Variants in ADGRB3 observed in about 807,000 individuals in gnomAD.
ADGRB3 encodes brain-specific angiogenesis inhibitor 3.
A neutral mutation model predicts 193.4 loss-of-function variants in ADGRB3; 37 were observed. That is an observed-to-expected ratio of 0.19 (90% CI 0.15 to 0.25). The LOEUF (loss-of-function observed/expected upper bound fraction) is 0.25, where lower values mean the gene tolerates loss of function less well. Among genes scored for constraint, ADGRB3 ranks in the 10% least tolerant of loss-of-function variants. ADGRB3 has a pLI of 1.00. For missense variants in ADGRB3, 1,637 were observed against 1,852.9 expected, an observed-to-expected ratio of 0.88 and a Z score of 2.14; for synonymous variants, 690 against 644.2, an observed-to-expected ratio of 1.07 and a Z score of -1.08.
chr6:69,024,209 G>A lies in ADGRB3; in HGVS notation c.2107+5710G>A, dbSNP rs1770357264. ...AATGATTAGAGGTAGTAGGTATAAG[G>A]AGTTCCAGGACAAGACAGTATAAAA... is the stretch of plus-strand genomic sequence containing the variant. On this transcript the variant is annotated intron_variant, in intron 13 of 31. Coordinates refer to ENST00000370598, the MANE Select transcript of ADGRB3 (RefSeq NM_001704.3). 2.0e-5 allele frequency among the ~76,000 whole-genome samples: 3 copies of A among 152,234 alleles called. No individual in the cohort carries two copies. The East Asian group carries it at 5.8e-4, about 29-fold the overall frequency.
At position 69,141,702 on chromosome 6, in the gene ADGRB3, T is replaced by C. The variant is rs115523143; in HGVS notation, c.2480+65664T>C. 2.8e-3 allele frequency among the ~76,000 whole-genome samples: 431 copies of C among 152,192 alleles called. 2 individuals are homozygous for C. Among genetic ancestry groups the C allele is most frequent in the African/African-American group, 9.9e-3 (409 of 41,516 alleles). On this transcript the variant is annotated intron_variant, in intron 17 of 31. Transcript: ENST00000370598. ...TGAAGATCATCATAAAGATCTAAGT[T>C]TCTACTTTGGATGAATAGTCTGGGA... is the stretch of plus-strand genomic sequence containing the variant.
intron 17 of ADGRB3, among the ~76,000 whole-genome samples, chr6:69,086,803 ATTAGT>A (rs1241738743): frequency 1.3e-5 from 2 of 152,160 alleles, no homozygotes; most frequent in Non-Finnish European, 2.9e-5. Flanking sequence ...ATGTGGTATT[ATTAGT>A]TTAATGTGTA....
chr6:68,882,411 T>C (rs965214802), intron 3 of ADGRB3, among the ~76,000 whole-genome samples: 13 of 152,222 alleles, frequency 8.5e-5, no homozygotes, highest in Admixed American at 2.6e-4. Flanking sequence ...CATGTGAATA[T>C]AGGACTGTTC....
chr6:69,065,764 T>TACACACACACACACACACAC (rs3043304), intron 16 of ADGRB3, among the ~76,000 whole-genome samples: 2 of 129,208 alleles, frequency 1.5e-5, no homozygotes, highest in Non-Finnish European at 1.7e-5. Context: ...TGTATATATA[T>TACACACACACACACACACAC]ACACACACAC....
intron 3 of ADGRB3, among the ~76,000 whole-genome samples, chr6:68,876,888 GA>G: frequency 6.6e-6 from 1 of 151,790 alleles, no homozygotes; most frequent in South Asian, 2.1e-4. Context: ...GGCTCTTACT[GA>G]TTTTTTTCAA....
chr6:68,874,534 A>T (rs1291279250), intron 3 of ADGRB3, among the ~76,000 whole-genome samples: 1 of 152,174 alleles, frequency 6.6e-6, no homozygotes, highest in African/African-American at 2.4e-5. Flanking sequence ...GCTTTAAGTG[A>T]ATCCATGTGT....
Position 69,013,980 on chromosome 6 carries a change from A to T in ADGRB3, c.1930-58A>T, listed in dbSNP as rs145642023. The T allele has an allele frequency of 4.9e-3, 6,021 of 1,220,656 alleles. 27 individuals are homozygous for T. Among genetic ancestry groups the T allele is most frequent in the Non-Finnish European group, 5.9e-3 (5,124 of 865,452 alleles). The allele number at this position is 1,220,656 out of a possible 1,614,324, so 75.6% of individuals were successfully genotyped here. On this transcript the variant is annotated intron_variant, in intron 11 of 31. Transcript: ENST00000370598. ...CACGTAGTCAACCCAAATGGGTGTT[A>T]TTAAAAAGTATAATTCTCTCATGTA...
At chr6:68,897,373 G>A (rs1033359318) in intron 3 of ADGRB3, among the ~76,000 whole-genome samples, 4 of 143,432 alleles carry the variant, frequency 2.8e-5, no homozygotes, top group Non-Finnish European at 6.1e-5. Context: ...AGAAAAAGAA[G>A]GAAAGGAAGA....
intron 15 of ADGRB3, among the ~76,000 whole-genome samples, chr6:69,051,599 C>T (rs1771395171): frequency 6.6e-6 from 1 of 152,148 alleles, no homozygotes; most frequent in African/African-American, 2.4e-5. Flanking sequence ...TTCTCATTTT[C>T]TTTTATCTCT....
At chr6:68,744,171 G>A (rs916523220) in intron 3 of ADGRB3, among the ~76,000 whole-genome samples, 5 of 151,994 alleles carry the variant, frequency 3.3e-5, no homozygotes, top group Non-Finnish European at 7.4e-5. Flanking sequence ...TATCTTGAAG[G>A]CTTCTATTTT....
chr6:69,256,367 C>T (rs1384646755), intron 20 of ADGRB3, among the ~76,000 whole-genome samples: 1 of 152,162 alleles, frequency 6.6e-6, no homozygotes, highest in African/African-American at 2.4e-5. Flanking sequence ...TTTGTATCCT[C>T]TTTGATTTCC....
intron 3 of ADGRB3, among the ~76,000 whole-genome samples, chr6:68,852,447 T>C (rs1429711904): frequency 6.6e-6 from 1 of 152,020 alleles, no homozygotes; most frequent in African/African-American, 2.4e-5. Context: ...ATATGATTAG[T>C]ACAAAACTGT....
At position 68,698,312 on chromosome 6, in the gene ADGRB3, T is replaced by A. The variant is rs1434886047; in HGVS notation, c.757+58880T>A. ...ACACAGAAATGCAAGGTTTAGAGAA[T>A]GTTTAAATGAGGTAGTGCTCATTTA... is the stretch of plus-strand genomic sequence containing the variant. On this transcript the variant is annotated intron_variant, in intron 3 of 31. Transcript: ENST00000370598. Among the ~76,000 whole-genome samples the A allele has an allele frequency of 2.0e-5, 3 of 151,924 alleles. No individual in the cohort carries two copies. In the East Asian group the frequency reaches 5.8e-4, roughly 29 times the overall value.
chr6:69,134,936 A>G (rs182915425), intron 17 of ADGRB3, among the ~76,000 whole-genome samples: 2 of 151,994 alleles, frequency 1.3e-5, no homozygotes, highest in Admixed American at 1.3e-4. Context: ...TTTCATATGC[A>G]TTTTTTCTAA....
At chr6:68,977,973 A>G (rs1040898288) in intron 10 of ADGRB3, among the ~76,000 whole-genome samples, 2 of 151,478 alleles carry the variant, frequency 1.3e-5, no homozygotes, top group Non-Finnish European at 3.0e-5. Context: ...CTTATACTCT[A>G]TTGCTGGGAG....
At chr6:69,194,008 C>G (rs768485003) in intron 17 of ADGRB3, among the ~76,000 whole-genome samples, 3 of 152,004 alleles carry the variant, frequency 2.0e-5, no homozygotes, top group Admixed American at 6.6e-5. Flanking sequence ...TTTTCATTTT[C>G]ATAAAGTTTT....
At chr6:68,979,823 A>G (rs1234956359) in intron 10 of ADGRB3, among the ~76,000 whole-genome samples, 3 of 151,408 alleles carry the variant, frequency 2.0e-5, no homozygotes, top group African/African-American at 7.2e-5. Flanking sequence ...GTATATGTGA[A>G]CAATCACAGG....
chr6:69,190,317 TC>T (rs1765160817), intron 17 of ADGRB3, among the ~76,000 whole-genome samples: 1 of 152,042 alleles, frequency 6.6e-6, no homozygotes, highest in African/African-American at 2.4e-5. Context: ...ATACTGACGA[TC>T]CCGACCCTGG....
chr6:69,092,308 A>G (rs17481523), intron 17 of ADGRB3, among the ~76,000 whole-genome samples: 16,352 of 152,220 alleles, frequency 0.11, 1,039 homozygotes, highest in Middle Eastern at 0.16. Context: ...TTTTGGGGAA[A>G]GATAGAAACA....
Sources: gnomAD v4.1 joint callset for allele counts (sites outside exome capture counted in the v4.1 genomes callset) on GRCh38, gnomAD v4.1.1 for gene constraint, MANE v1.5 for transcripts, NCBI Gene and HGNC (gene_info 2026-07-23, HGNC 2026-07-21) for gene names.